Variants in GPC5 observed in about 807,000 individuals in gnomAD.
GPC5 encodes the protein glypican 5, also known as glypican-5.
A neutral mutation model predicts 53.9 loss-of-function variants in GPC5; 47 were observed. The observed-to-expected ratio is 0.87, with a 90% CI of 0.69 to 1.11. The LOEUF (loss-of-function observed/expected upper bound fraction) is 1.11. Ranked by LOEUF, GPC5 falls within the 50% of genes most tolerant of loss-of-function variation. The probability of loss-of-function intolerance (pLI) is 0.00; values close to 1 mark genes in which losing one functional copy is unlikely to be tolerated. For synonymous variants in GPC5, 286 were observed against 263.3 expected, an observed-to-expected ratio of 1.09 and a Z score of -0.84; for missense variants, 748 against 713.1, an observed-to-expected ratio of 1.05 and a Z score of -0.56.
At chr13:92,638,239 T>G (rs938696065) in intron 7 of GPC5, among the ~76,000 whole-genome samples, 1 of 152,140 alleles carries the variant, frequency 6.6e-6, no homozygotes, top group Non-Finnish European at 1.5e-5. Context: ...GTGTCCAAAG[T>G]CTCTTATTTT....
intron 7 of GPC5, among the ~76,000 whole-genome samples, chr13:92,270,490 TCTC>T (rs1427278894): frequency 1.3e-5 from 2 of 152,090 alleles, no homozygotes; most frequent in Non-Finnish European, 2.9e-5. Flanking sequence ...TTTGTGGAGG[TCTC>T]CTCAGAAGTC....
At chr13:92,830,810 C>T (rs940258040) in intron 7 of GPC5, among the ~76,000 whole-genome samples, 3 of 151,838 alleles carry the variant, frequency 2.0e-5, no homozygotes, top group Admixed American at 1.3e-4. Flanking sequence ...AAGTATCAAC[C>T]GCAGATAATT....
chr13:91,465,749 C>CT (rs547126371), intron 2 of GPC5, among the ~76,000 whole-genome samples: 11 of 152,142 alleles, frequency 7.2e-5, no homozygotes, highest in South Asian at 2.1e-4. Context: ...TTATCTTTAA[C>CT]TTTTTTTCCT....
At chr13:91,452,826 T>C (rs1881276341) in intron 2 of GPC5, among the ~76,000 whole-genome samples, 1 of 151,998 alleles carries the variant, frequency 6.6e-6, no homozygotes, top group Non-Finnish European at 1.5e-5. Flanking sequence ...AATAATATTT[T>C]AGAGGACACT....
At chr13:92,724,903 C>CACACACACACACACACACAG (rs1358016015) in intron 7 of GPC5, among the ~76,000 whole-genome samples, 12 of 149,936 alleles carry the variant, frequency 8.0e-5, no homozygotes, top group African/African-American at 2.7e-4. Flanking sequence ...CACACACACA[C>CACACACACACACACACACAG]ACACACACAA....
intron 1 of GPC5, among the ~76,000 whole-genome samples, chr13:91,416,044 T>C (rs1020021562): frequency 7.2e-5 from 11 of 152,238 alleles, no homozygotes; most frequent in African/African-American, 2.2e-4. Context: ...AAATATTTGA[T>C]GAATTTATTT....
chr13:92,545,238 AG>A (rs1374855115), intron 7 of GPC5, among the ~76,000 whole-genome samples: 1 of 152,170 alleles, frequency 6.6e-6, no homozygotes, highest in Non-Finnish European at 1.5e-5. Context: ...GTCCCTACAA[AG>A]GACATGAACT....
chr13:92,259,360 A>C lies in GPC5; in HGVS notation c.1561+114371A>C, dbSNP rs148939197. Among the ~76,000 whole-genome samples the C allele has an allele frequency of 4.8e-4, 73 of 152,304 alleles. No individual in the cohort carries two copies. In the East Asian group the frequency reaches 0.013, roughly 27 times the overall value. On this transcript the variant is annotated intron_variant, in intron 7 of 7. Coordinates refer to ENST00000377067, the MANE Select transcript of GPC5 (RefSeq NM_004466.6). Reference sequence around the variant, plus strand: ...GTAATATTTTGAATAAGCAAGATGCATAGGATATAAAAAAAGACTTAAATT... The same window carrying C: ...GTAATATTTTGAATAAGCAAGATGCCTAGGATATAAAAAAAGACTTAAATT...
At chr13:92,568,898 T>C (rs879344154) in intron 7 of GPC5, among the ~76,000 whole-genome samples, 1 of 152,114 alleles carries the variant, frequency 6.6e-6, no homozygotes, top group Admixed American at 6.6e-5. Flanking sequence ...GCATATTCTA[T>C]ACTTTTCATA....
chr13:92,013,591 C>T (rs1054477416), intron 6 of GPC5, among the ~76,000 whole-genome samples: 2 of 152,148 alleles, frequency 1.3e-5, no homozygotes, highest in East Asian at 1.9e-4. Flanking sequence ...TAGACATTCT[C>T]GCTTTGGGCC....
At chr13:92,425,900 C>T (rs1019765598) in intron 7 of GPC5, among the ~76,000 whole-genome samples, 4 of 151,976 alleles carry the variant, frequency 2.6e-5, no homozygotes, top group Admixed American at 6.6e-5. Context: ...CTATGCCTTG[C>T]TTTTTTCATC....
intron 5 of GPC5, among the ~76,000 whole-genome samples, chr13:91,777,282 C>A (rs185210570): frequency 5.5e-4 from 84 of 152,120 alleles, no homozygotes; most frequent in Non-Finnish European, 7.1e-4. Context: ...TTCTTGTATT[C>A]TTTGTTGATT....
chr13:91,592,102 C>T (rs1005206590), intron 2 of GPC5, among the ~76,000 whole-genome samples: 1 of 152,152 alleles, frequency 6.6e-6, no homozygotes, highest in Non-Finnish European at 1.5e-5. Context: ...GATCATAGTC[C>T]ATTGGCTTCA....
chr13:92,661,542 G>T (rs929550034), intron 7 of GPC5, among the ~76,000 whole-genome samples: 5 of 151,912 alleles, frequency 3.3e-5, no homozygotes, highest in Non-Finnish European at 7.4e-5. Context: ...GAATTTTATG[G>T]CATTAAATAG....
intron 6 of GPC5, among the ~76,000 whole-genome samples, chr13:91,971,407 C>CA (rs1482306607): frequency 2.6e-5 from 4 of 151,952 alleles, no homozygotes; most frequent in African/African-American, 7.3e-5. Flanking sequence ...TTGATCTTTT[C>CA]AAAAAACCAG....
At chr13:91,572,160 C>CACACATATGTATATATACGTGTGTATAT (rs2031923987) in intron 2 of GPC5, among the ~76,000 whole-genome samples, 1 of 111,126 alleles carries the variant, frequency 9.0e-6, no homozygotes, top group East Asian at 2.6e-4. Flanking sequence ...CGTGTGTATA[C>CACACATATGTATATATACGTGTGTATAT]ACACACATAT....
intron 7 of GPC5, among the ~76,000 whole-genome samples, chr13:92,255,308 C>T (rs1028058691): frequency 1.1e-4 from 17 of 152,102 alleles, no homozygotes; most frequent in Non-Finnish European, 2.2e-4. Flanking sequence ...AATGGGGCAT[C>T]AAAGAGCTAA....
intron 7 of GPC5, among the ~76,000 whole-genome samples, chr13:92,745,699 A>G (rs1889224847): frequency 6.6e-6 from 1 of 152,122 alleles, no homozygotes; most frequent in South Asian, 2.1e-4. Context: ...GTATTCCAGA[A>G]TAGTAATAGG....
intron 5 of GPC5, among the ~76,000 whole-genome samples, chr13:91,867,600 CA>C (rs943135704): frequency 1.3e-5 from 2 of 152,118 alleles, no homozygotes; most frequent in African/African-American, 4.8e-5. Context: ...GTCCCTATCA[CA>C]AAAAGACAAT....
Sources: allele counts gnomAD v4.1 joint callset (sites outside exome capture counted in the v4.1 genomes callset), GRCh38; gene constraint gnomAD v4.1.1; transcripts MANE v1.5; gene names NCBI Gene and HGNC (gene_info 2026-07-23, HGNC 2026-07-21).